The following ADGRL2 variants were observed in gnomAD, a reference collection of about 807,000 sequenced individuals.
ADGRL2 encodes the protein calcium-independent alpha-latrotoxin receptor 2.
A neutral mutation model predicts 157.4 loss-of-function variants in ADGRL2; 44 were observed. The ratio of observed to expected loss-of-function variants is 0.28; its 90% CI spans 0.22 to 0.36. The LOEUF (loss-of-function observed/expected upper bound fraction) is 0.36. Among genes scored for constraint, ADGRL2 ranks in the 10% least tolerant of loss-of-function variants. ADGRL2 has a pLI of 1.00. For synonymous variants in ADGRL2, 585 were observed against 624.7 expected, an observed-to-expected ratio of 0.94 and a Z score of 0.95; for missense variants, 1,510 against 1,768.9, an observed-to-expected ratio of 0.85 and a Z score of 2.63.
At chr1:81,308,206 A>G (rs1465398288) in intron 1 of ADGRL2, among the ~76,000 whole-genome samples, 4 of 152,218 alleles carry the variant, frequency 2.6e-5, no homozygotes, top group Admixed American at 2.0e-4. Context: ...GTTGTAAAGT[A>G]AACTGAGGCT....
chr1:81,938,589 T>TA (rs1299542654), intron 4 of ADGRL2, among the ~76,000 whole-genome samples: 5 of 151,758 alleles, frequency 3.3e-5, no homozygotes, highest in South Asian at 2.1e-4. Context: ...TCTTTTAATT[T>TA]AAAAAAATCA....
intron 1 of ADGRL2, among the ~76,000 whole-genome samples, chr1:81,832,451 C>T (rs1164402170): frequency 1.3e-5 from 2 of 152,128 alleles, no homozygotes; most frequent in Non-Finnish European, 2.9e-5. Context: ...CCTGAACTTT[C>T]TAATAGTCTA....
intron 3 of ADGRL2, among the ~76,000 whole-genome samples, chr1:81,659,028 A>G (rs1195755020): frequency 6.9e-6 from 1 of 145,328 alleles, no homozygotes; most frequent in Admixed American, 7.0e-5. Context: ...CTGGGTTTAC[A>G]GGCGTGAGCC....
chr1:81,593,932 A>G (rs969330967), intron 3 of ADGRL2, among the ~76,000 whole-genome samples: 1 of 152,198 alleles, frequency 6.6e-6, no homozygotes, highest in African/African-American at 2.4e-5. Flanking sequence ...ACCACAAGCA[A>G]GAAGCTTCGG....
chr1:81,516,002 C>G (rs537419735), intron 2 of ADGRL2, among the ~76,000 whole-genome samples: 189 of 152,166 alleles, frequency 1.2e-3, no homozygotes, highest in Non-Finnish European at 2.0e-3. Flanking sequence ...AACTATTTAT[C>G]ATCAAAATAT....
chr1:81,443,545 G>C (rs981283058), intron 1 of ADGRL2, among the ~76,000 whole-genome samples: 1 of 151,956 alleles, frequency 6.6e-6, no homozygotes, highest in African/African-American at 2.4e-5. Flanking sequence ...TCTATTGCTG[G>C]TTTGAGACCC....
intron 3 of ADGRL2, among the ~76,000 whole-genome samples, chr1:81,634,531 T>TTTTG (rs1557523652): frequency 6.6e-6 from 1 of 151,474 alleles, no homozygotes; most frequent in Non-Finnish European, 1.5e-5. Context: ...TTTTTGGTTT[T>TTTTG]TTTGTTTGTT....
intron 3 of ADGRL2, among the ~76,000 whole-genome samples, chr1:81,671,929 G>T (rs2082884022): frequency 6.6e-6 from 1 of 152,226 alleles, no homozygotes; most frequent in Non-Finnish European, 1.5e-5. Flanking sequence ...ATATGTTTGT[G>T]TGTGTACACA....
intron 1 of ADGRL2, among the ~76,000 whole-genome samples, chr1:81,814,114 T>C (rs1173738016): frequency 6.6e-6 from 1 of 151,776 alleles, no homozygotes; most frequent in African/African-American, 2.4e-5. Context: ...GACAAGGAAA[T>C]AGATTGGTAA....
chr1:81,588,165 G>A (rs576552476), intron 3 of ADGRL2: 1 of 152,296 alleles, frequency 6.6e-6, no homozygotes, highest in East Asian at 1.9e-4. Context: ...GAGCTCTAGA[G>A]CACATATTGT....
rs111809594 is a variant in ADGRL2 at position 81,448,248 on chromosome 1, G to A, written c.-248+3159G>A. Among the ~76,000 whole-genome samples the A allele has an allele frequency of 4.4e-3, 615 of 140,236 alleles. 4 individuals are homozygous for A. Among genetic ancestry groups the A allele is most frequent in the African/African-American group, 0.015 (561 of 37,730 alleles). 92.0% of individuals were successfully genotyped at this position (140,236 alleles called of 152,430 possible). A position where few individuals can be genotyped will look rare whatever the true frequency, so the allele number is the denominator to read the frequency against. ...CAATCTCTGCCTCCCAGGTTCAAGC[G>A]ATTTCTCCTGTCTCAGCCTCCAGAG... On this transcript the variant is annotated intron_variant, in intron 2 of 24. Coordinates refer to the ADGRL2 transcript ENST00000370721.
At chr1:81,418,559 G>A (rs959773249) in intron 1 of ADGRL2, among the ~76,000 whole-genome samples, 1 of 151,820 alleles carries the variant, frequency 6.6e-6, no homozygotes, top group African/African-American at 2.4e-5. Flanking sequence ...AAACCATCCT[G>A]GCTAACACGG....
chr1:81,688,316 G>A (rs2083270944), intron 3 of ADGRL2, among the ~76,000 whole-genome samples: 1 of 151,834 alleles, frequency 6.6e-6, no homozygotes, highest in Non-Finnish European at 1.5e-5. Context: ...TTATTCTTAG[G>A]TTTGGTCATT....
At chr1:81,698,599 TA>T (rs1232563001), upstream of ADGRL2, among the ~76,000 whole-genome samples, 1 of 152,148 alleles carries the variant, frequency 6.6e-6, no homozygotes, top group African/African-American at 2.4e-5. Context: ...AATCTAAAAA[TA>T]GCACAGTTTG....
At position 81,679,859 on chromosome 1, in the gene ADGRL2, G is replaced by C. The variant is rs78650418; in HGVS notation, c.-142-81952G>C. Among the ~76,000 whole-genome samples the C allele has an allele frequency of 1.0e-2, 1,520 of 152,154 alleles. 32 individuals carry two copies. The highest frequency in any genetic ancestry group is 0.035 in the African/African-American group (1,451 of 41,530). On this transcript the variant is annotated intron_variant, in intron 3 of 24. Transcript: ENST00000370721. ...TTTGTTTTAGCAGTCACTAAGCAGA[G>C]ACCAAAAAAAATCACAGTGGGAACC...
chr1:81,951,017 G>T lies in ADGRL2; in HGVS notation c.1505-1G>T. On this transcript the variant is annotated splice_acceptor_variant, in intron 7 of 23. Transcript: ENST00000686636. LOFTEE classifies it high-confidence loss of function. ...ACTGTTGTTTTCTACATCTGTTGTA[G>T]GAACTGCCTCATATCTCTGCATGAT... The T allele has an allele frequency of 6.2e-7, 1 of 1,603,558 alleles. No individual in the cohort carries two copies. Among genetic ancestry groups the T allele is most frequent in the South Asian group, 1.1e-5 (1 of 90,684 alleles).
chr1:81,606,894 G>A (rs1440106820), intron 3 of ADGRL2, among the ~76,000 whole-genome samples: 11 of 152,062 alleles, frequency 7.2e-5, no homozygotes, highest in Admixed American at 7.2e-4. Context: ...AAAGTCAACT[G>A]TAGTACATTT....
Position 81,990,410 on chromosome 1 carries a change from C to A in ADGRL2, c.3675C>A (p.Ala1225=). The A allele has an allele frequency of 6.2e-7, 1 of 1,613,576 alleles. No individual in the cohort carries two copies. The highest frequency in any genetic ancestry group is 1.1e-5 in the South Asian group (1 of 91,052). The change falls in exon 24 of 24, where the codon GCC becomes GCA. Residue 1225 remains alanine, a synonymous_variant. Coordinates refer to ENST00000686636, the MANE Select transcript of ADGRL2 (RefSeq NM_001366006.2). ...TTTCAGGACATTCACTGAACAATGC[C>A]AGGGATACAAGTGCCATGGATACTC... ...YRETRHSLNN[A]RDTSAMDTLP...
intron 2 of ADGRL2, among the ~76,000 whole-genome samples, chr1:81,864,668 T>A (rs1456090988): frequency 1.3e-5 from 2 of 152,096 alleles, no homozygotes; most frequent in Non-Finnish European, 2.9e-5. Context: ...ACTTTATTTC[T>A]AAAAGTTACG....
Sources: gnomAD v4.1 joint callset for allele counts (sites outside exome capture counted in the v4.1 genomes callset) on GRCh38, gnomAD v4.1.1 for gene constraint, MANE v1.5 for transcripts, NCBI Gene and HGNC (gene_info 2026-07-23, HGNC 2026-07-21) for gene names.